Variants in COL24A1 observed in about 807,000 individuals in gnomAD.
The protein encoded by COL24A1 is collagen alpha-1(XXIV) chain.
A neutral mutation model predicts 253.9 loss-of-function variants in COL24A1; 224 were observed. The ratio of observed to expected loss-of-function variants is 0.88; its 90% confidence interval spans 0.79 to 0.99. The LOEUF is 0.99. Among genes scored for constraint, COL24A1 ranks in the 50% least tolerant of loss-of-function variants. The pLI is 0.00. For synonymous variants in COL24A1, 685 were observed against 673.7 expected, an observed-to-expected ratio of 1.02 and a Z score of -0.26; for missense variants, 2,131 against 2,068.5, an observed-to-expected ratio of 1.03 and a Z score of -0.59.
chr1:85,746,102 CT>C lies in COL24A1; in HGVS notation c.4438-597del, dbSNP rs1009704925. Among the ~76,000 whole-genome samples the C allele has an allele frequency of 8.2e-3, 1,211 of 148,204 alleles. 13 individuals are homozygous for C. The highest frequency in any genetic ancestry group is 0.026 in the African/African-American group (1,069 of 40,398). ...ACTGAGCACAACCATTAGTAAAAGT[CT>C]TTTTTTTTTGTAATTCTTTTAAAAA... On this transcript the variant is annotated intron_variant, in intron 55 of 59. Coordinates refer to ENST00000370571, the MANE Select transcript of COL24A1 (RefSeq NM_152890.7).
intron 2 of COL24A1, among the ~76,000 whole-genome samples, chr1:86,134,334 G>A (rs1038257391): frequency 6.6e-6 from 1 of 151,834 alleles, no homozygotes; most frequent in African/African-American, 2.4e-5. Context: ...AAGGTTTTTT[G>A]TGTCTCCATT....
At chr1:85,901,074 A>C (rs754907840) in intron 28 of COL24A1, among the ~76,000 whole-genome samples, 2 of 152,210 alleles carry the variant, frequency 1.3e-5, no homozygotes, top group Admixed American at 6.5e-5. Context: ...GGTAAACAAA[A>C]AAGCTTCCAT....
intron 24 of COL24A1, among the ~76,000 whole-genome samples, chr1:85,944,236 A>G (rs930973877): frequency 1.3e-5 from 2 of 152,230 alleles, no homozygotes; most frequent in African/African-American, 4.8e-5. Context: ...ATTACCAACC[A>G]TAGGTGACAT....
chr1:85,854,612 T>C (rs1196084230), intron 37 of COL24A1, among the ~76,000 whole-genome samples: 1 of 152,212 alleles, frequency 6.6e-6, no homozygotes, highest in African/African-American at 2.4e-5. Flanking sequence ...AGAAGGTTTT[T>C]ACATTTGTTT....
At position 86,156,548 on chromosome 1, in the gene COL24A1, G is replaced by T; in HGVS notation, c.-152C>A. On this transcript the variant is annotated 5_prime_UTR_variant, in exon 1 of 60. Coordinates refer to ENST00000370571, the MANE Select transcript of COL24A1 (RefSeq NM_152890.7). ...CGCAACAAGAAAAAAAGGAGGGGAG[G>T]GGGTGAAGTCGGGAGGAGGTAGGAA... The T allele has an allele frequency of 1.6e-6, 1 of 610,086 alleles. No individual in the cohort carries two copies. Among genetic ancestry groups the T allele is most frequent in the African/African-American group, 1.9e-5 (1 of 52,294 alleles). 37.8% of individuals were successfully genotyped at this position (610,086 alleles called of 1,614,324 possible).
chr1:85,813,061 C>T (rs1010006316), intron 47 of COL24A1, among the ~76,000 whole-genome samples: 5 of 151,286 alleles, frequency 3.3e-5, no homozygotes, highest in African/African-American at 7.3e-5. Context: ...ATACACAGCA[C>T]GAATTATATG....
intron 10 of COL24A1, among the ~76,000 whole-genome samples, chr1:86,051,370 C>A (rs1405019022): frequency 2.6e-5 from 4 of 151,990 alleles, no homozygotes; most frequent in Non-Finnish European, 4.4e-5. Flanking sequence ...ACAATGGGAA[C>A]TTTGGAAGCA....
Position 85,881,035 on chromosome 1 carries a change from C to T in COL24A1, c.2977-3860G>A, listed in dbSNP as rs1045791089. 5.9e-5 allele frequency among the ~76,000 whole-genome samples: 9 copies of T among 152,302 alleles called. No homozygotes were observed. The East Asian group carries it at 1.7e-3, about 29-fold the overall frequency. On this transcript the variant is annotated intron_variant, in intron 32 of 59. Transcript: ENST00000370571. ...TTTTAAGGTAATGCTCACATAATGG[C>T]CTCATGTGTGTGGCCTCACATAATT...
intron 24 of COL24A1, among the ~76,000 whole-genome samples, chr1:85,917,618 G>T (rs1686022859): frequency 6.6e-6 from 1 of 151,264 alleles, no homozygotes; most frequent in South Asian, 2.1e-4. Flanking sequence ...TTCCCATTAA[G>T]ATTTCCTATA....
At chr1:85,800,129 T>C (rs17128354) in intron 47 of COL24A1, among the ~76,000 whole-genome samples, 3,526 of 152,280 alleles carry the variant, frequency 0.023, 138 homozygotes, top group African/African-American at 0.08. Context: ...TAATTCATAC[T>C]CAGATTTTCC....
At chr1:86,052,364 A>T (rs2101693026) in intron 10 of COL24A1, among the ~76,000 whole-genome samples, 1 of 152,268 alleles carries the variant, frequency 6.6e-6, no homozygotes, top group South Asian at 2.1e-4. Flanking sequence ...GAATAAACAA[A>T]ATGTTGTATA....
At chr1:85,798,406 AC>A (rs1188811283) in intron 47 of COL24A1, among the ~76,000 whole-genome samples, 1 of 152,136 alleles carries the variant, frequency 6.6e-6, no homozygotes, top group Non-Finnish European at 1.5e-5. Context: ...GGGAAGAAGT[AC>A]CAATCAGGAT....
chr1:85,997,108 C>T (rs1330702179), intron 19 of COL24A1, among the ~76,000 whole-genome samples: 1 of 140,768 alleles, frequency 7.1e-6, no homozygotes, highest in East Asian at 2.1e-4. Flanking sequence ...TATACAGGTA[C>T]TTAGGCCTCA....
chr1:85,868,437 G>T, intron 37 of COL24A1, 82 bp downstream of exon 37: 1 of 905,320 alleles, frequency 1.1e-6, no homozygotes. Context: ...AAGGAGGTCA[G>T]AGTGTGTGTA....
At chr1:85,944,198 A>G (rs1587675) in intron 24 of COL24A1, among the ~76,000 whole-genome samples, 149,506 of 152,320 alleles carry the variant, frequency 0.98, 73,419 homozygotes, top group Middle Eastern at 1. Context: ...ATTTCAGATG[A>G]GTGCAGTTAT....
intron 32 of COL24A1, 89 bp from the exon 33 acceptor site, chr1:85,877,264 A>G: frequency 1.2e-6 from 1 of 808,670 alleles, no homozygotes; most frequent in Non-Finnish European, 1.9e-6. Context: ...TTATAATATA[A>G]CACATAACAC....
chr1:85,789,527 C>A (rs958717223), intron 47 of COL24A1, among the ~76,000 whole-genome samples: 2 of 152,062 alleles, frequency 1.3e-5, no homozygotes, highest in African/African-American at 4.8e-5. Flanking sequence ...GACTTCCTCT[C>A]TTCCTATTTG....
At chr1:86,014,720 G>C (rs1444376941) in intron 19 of COL24A1, among the ~76,000 whole-genome samples, 1 of 152,046 alleles carries the variant, frequency 6.6e-6, no homozygotes, top group Non-Finnish European at 1.5e-5. Flanking sequence ...CAATTGGAAT[G>C]AACTGTTTTA....
At chr1:85,797,356 G>A (rs1362225246) in intron 47 of COL24A1, among the ~76,000 whole-genome samples, 1 of 152,142 alleles carries the variant, frequency 6.6e-6, no homozygotes, top group Non-Finnish European at 1.5e-5. Flanking sequence ...GCAGTGTACT[G>A]AGCATCCAAA....
Sources: gnomAD v4.1 joint callset for allele counts (sites outside exome capture counted in the v4.1 genomes callset) on GRCh38, gnomAD v4.1.1 for gene constraint, MANE v1.5 for transcripts, NCBI Gene and HGNC (gene_info 2026-07-23, HGNC 2026-07-21) for gene names.